The following DNAJB6 variants were observed in gnomAD, a reference collection of about 807,000 sequenced individuals.
The protein encoded by DNAJB6 is DnaJ heat shock protein family (Hsp40) member B6, also known as dnaJ homolog subfamily B member 6.
A neutral mutation model predicts 42.7 loss-of-function variants in DNAJB6; 16 were observed. The ratio of observed to expected loss-of-function variants is 0.37; its 90% CI spans 0.25 to 0.57. DNAJB6 has a LOEUF of 0.57. DNAJB6 is among the 20% of genes least tolerant of loss of function. DNAJB6 has a pLI of 0.74. For missense variants in DNAJB6, 347 were observed against 416.8 expected (o/e 0.83, Z 1.46); for synonymous variants, 170 against 163.5 (o/e 1.04, Z -0.30).
chr7:157,385,441 A>T, intron 7 of DNAJB6, 100 bp from the exon 8 acceptor site: 1 of 1,252,624 alleles, frequency 8.0e-7, no homozygotes, highest in Non-Finnish European at 1.1e-6. Context: ...AATTACTTAT[A>T]TTCATGGTGT....
Position 157,368,099 on chromosome 7 carries a change from G to A in DNAJB6, c.346+616G>A, listed in dbSNP as rs142788883. ...ACTGCACTCCAGCTTGGGTGACAGA[G>A]CAAGGCCCTGTCTCAAAAAAATAAA... On this transcript the variant is annotated intron_variant, in intron 5 of 9. Transcript: ENST00000262177. 8.5e-5 allele frequency among the ~76,000 whole-genome samples: 13 copies of A among 152,278 alleles called. No individual in the cohort carries two copies. The East Asian group carries it at 2.5e-3, about 29-fold the overall frequency.
chr7:157,344,567 A>G (rs1055572869), intron 1 of DNAJB6, among the ~76,000 whole-genome samples: 1 of 152,116 alleles, frequency 6.6e-6, no homozygotes, highest in African/African-American at 2.4e-5. Context: ...GCTCTACGCA[A>G]ATTCCCTTCC....
intron 1 of DNAJB6, among the ~76,000 whole-genome samples, chr7:157,341,378 C>T (rs1355449182): frequency 6.6e-6 from 1 of 152,144 alleles, no homozygotes; most frequent in African/African-American, 2.4e-5. Flanking sequence ...CCCGCCTCGG[C>T]CTCCCAAAGT....
At chr7:157,377,069 G>A (rs566821805) in intron 5 of DNAJB6, among the ~76,000 whole-genome samples, 1 of 152,314 alleles carries the variant, frequency 6.6e-6, no homozygotes, top group East Asian at 1.9e-4. Flanking sequence ...TGGAGATGAA[G>A]GTTCCTTTGA....
At chr7:157,370,621 A>C (rs1056209496) in intron 5 of DNAJB6, 1 of 152,364 alleles carries the variant, frequency 6.6e-6, no homozygotes, top group Non-Finnish European at 1.5e-5. Context: ...TTTTACCCCT[A>C]GTCCAAGGAG....
At position 157,384,755 on chromosome 7, in the gene DNAJB6, T is replaced by A; in HGVS notation, c.479-112T>A. The A allele has an allele frequency of 2.8e-6, 3 of 1,077,636 alleles. No homozygotes were observed. In the South Asian group the frequency reaches 4.6e-5, roughly 16 times the overall value. 66.8% of individuals were successfully genotyped at this position (1,077,636 alleles called of 1,614,324 possible). On this transcript the variant is annotated intron_variant, in intron 6 of 9. Transcript: ENST00000262177. The stretch of plus-strand genomic sequence containing the variant: ...TGATAGTTGCGTCGTTTATTACTCC[T>A]CGGTTCTATGCCTTAACATTAAATA...
At chr7:157,395,643 G>C (rs1045954351) in intron 8 of DNAJB6, among the ~76,000 whole-genome samples, 3 of 150,922 alleles carry the variant, frequency 2.0e-5, no homozygotes, top group Admixed American at 2.0e-4. Flanking sequence ...GAATATGCGA[G>C]TCTGCAAAAG....
chr7:157,415,897 A>G, intron 9 of DNAJB6, 119 bp from the exon 10 acceptor site: 1 of 1,571,662 alleles, frequency 6.4e-7, no homozygotes, highest in Non-Finnish European at 8.7e-7. Flanking sequence ...GCCAAGATAG[A>G]TGACTTCATT....
At chr7:157,382,130 T>TA in intron 5 of DNAJB6, 116 bp from the exon 6 acceptor site, 1 of 1,194,406 alleles carries the variant, frequency 8.4e-7, no homozygotes, top group Non-Finnish European at 1.1e-6. Context: ...TAAAACCTCT[T>TA]AAGTTTTTTG....
At chr7:157,397,688 C>T (rs1260912380) in intron 8 of DNAJB6, among the ~76,000 whole-genome samples, 2 of 152,258 alleles carry the variant, frequency 1.3e-5, no homozygotes, top group Non-Finnish European at 2.9e-5. Context: ...ATTTCCAAAC[C>T]GACCTTCACG....
chr7:157,392,942 C>G (rs544250324), intron 8 of DNAJB6, among the ~76,000 whole-genome samples: 1 of 152,256 alleles, frequency 6.6e-6, no homozygotes, highest in South Asian at 2.1e-4. Flanking sequence ...CTTTTTATCT[C>G]ATCACTTTAG....
chr7:157,364,085 T>G (rs1018998069), intron 3 of DNAJB6, among the ~76,000 whole-genome samples: 2 of 152,050 alleles, frequency 1.3e-5, no homozygotes, highest in African/African-American at 2.4e-5. Flanking sequence ...TAATTGGCCC[T>G]TATTTACAAC....
At chr7:157,403,667 G>C (rs1795624844) in intron 8 of DNAJB6, among the ~76,000 whole-genome samples, 1 of 152,062 alleles carries the variant, frequency 6.6e-6, no homozygotes, top group Admixed American at 6.5e-5. Flanking sequence ...TAAAATGGGA[G>C]GCAGGTGTGC....
intron 5 of DNAJB6, among the ~76,000 whole-genome samples, chr7:157,370,119 A>C (rs1191181509): frequency 6.9e-6 from 1 of 145,984 alleles, no homozygotes; most frequent in African/African-American, 2.7e-5. Context: ...TCTTAACATT[A>C]TTATTAAATG....
intron 8 of DNAJB6, among the ~76,000 whole-genome samples, chr7:157,408,141 C>T (rs2116633872): frequency 6.6e-6 from 1 of 152,296 alleles, no homozygotes; most frequent in East Asian, 1.9e-4. Context: ...CCATGTGATG[C>T]TGAGAGATGT....
intron 1 of DNAJB6, among the ~76,000 whole-genome samples, chr7:157,348,489 TTTC>T (rs1319500444): frequency 1.3e-5 from 2 of 152,176 alleles, no homozygotes; most frequent in African/African-American, 4.8e-5. Context: ...TTGGTGAAGT[TTTC>T]TTGCCTTGGA....
At chr7:157,392,916 G>A (rs1030909739) in intron 8 of DNAJB6, among the ~76,000 whole-genome samples, 5 of 152,092 alleles carry the variant, frequency 3.3e-5, no homozygotes, top group East Asian at 1.9e-4. Flanking sequence ...CCAGGAAGTC[G>A]GTACGCCTTA....
intron 3 of DNAJB6, among the ~76,000 whole-genome samples, chr7:157,364,616 T>G (rs977685194): frequency 9.2e-5 from 14 of 152,188 alleles, no homozygotes; most frequent in Admixed American, 7.9e-4. Flanking sequence ...GGCCTCAGTG[T>G]TACCATCTTG....
At chr7:157,353,761 C>G (rs1046892054) in intron 1 of DNAJB6, among the ~76,000 whole-genome samples, 6 of 152,138 alleles carry the variant, frequency 3.9e-5, no homozygotes, top group Non-Finnish European at 8.8e-5. Flanking sequence ...CTTCCTGGCT[C>G]AAGTGATCCT....
Sources: gnomAD v4.1 joint callset for allele counts (sites outside exome capture counted in the v4.1 genomes callset) on GRCh38, gnomAD v4.1.1 for gene constraint, MANE v1.5 for transcripts, NCBI Gene and HGNC (gene_info 2026-07-23, HGNC 2026-07-21) for gene names.